Variants in MYO3B observed in about 807,000 individuals in gnomAD.
MYO3B encodes the protein myosin-IIIb.
A neutral mutation model predicts 174.6 loss-of-function variants in MYO3B; 156 were observed. The observed-to-expected ratio is 0.89, with a 90% confidence interval of 0.78 to 1.02. The LOEUF (loss-of-function observed/expected upper bound fraction) is 1.02. Ranked by LOEUF, MYO3B falls within the 50% of genes least tolerant of loss-of-function variation. The pLI, the probability that MYO3B is intolerant of heterozygous loss-of-function variation, is 0.00. For synonymous variants in MYO3B, 563 were observed against 569.1 expected (o/e 0.99, Z 0.15); for missense variants, 1,632 against 1,639.4 (o/e 1.00, Z 0.08).
At chr2:170,213,512 G>T (rs2092795117) in intron 3 of MYO3B, among the ~76,000 whole-genome samples, 1 of 152,144 alleles carries the variant, frequency 6.6e-6, no homozygotes, top group East Asian at 1.9e-4. Flanking sequence ...TAACTACCAG[G>T]CTTAGGTCAG....
chr2:170,364,397 T>A (rs934303607), intron 8 of MYO3B, among the ~76,000 whole-genome samples: 1 of 152,206 alleles, frequency 6.6e-6, no homozygotes, highest in African/African-American at 2.4e-5. Context: ...CTCTTTTGAC[T>A]AGGAAACTAG....
intron 7 of MYO3B, among the ~76,000 whole-genome samples, chr2:170,258,240 A>G (rs975417571): frequency 6.6e-6 from 1 of 151,988 alleles, no homozygotes; most frequent in Non-Finnish European, 1.5e-5. Context: ...CATCATTCTG[A>G]TACCAATGAG....
At chr2:170,341,625 A>G (rs1420951259) in intron 8 of MYO3B, among the ~76,000 whole-genome samples, 1 of 152,202 alleles carries the variant, frequency 6.6e-6, no homozygotes, top group East Asian at 1.9e-4. Flanking sequence ...ATAAAAACTC[A>G]TGGAGAAGCT....
intron 25 of MYO3B, among the ~76,000 whole-genome samples, chr2:170,474,324 G>C (rs1312740196): frequency 3.9e-5 from 6 of 152,064 alleles, no homozygotes; most frequent in Non-Finnish European, 4.4e-5. Flanking sequence ...GCCAATTACT[G>C]TGCCCAGGGG....
At chr2:170,639,629 A>G (rs950094421) in intron 32 of MYO3B, among the ~76,000 whole-genome samples, 1 of 152,224 alleles carries the variant, frequency 6.6e-6, no homozygotes, top group Non-Finnish European at 1.5e-5. Context: ...TGTATAATTG[A>G]TTCTAAACGT....
At chr2:170,263,744 A>G (rs7578090) in intron 7 of MYO3B, among the ~76,000 whole-genome samples, 151,772 of 151,978 alleles carry the variant, frequency 1, 75,783 homozygotes, top group Middle Eastern at 1. Context: ...ATTGCTCAGG[A>G]ACAAGTAGGA....
intron 8 of MYO3B, chr2:170,343,712 CT>C (rs1490585707): frequency 3.3e-5 from 5 of 152,222 alleles, no homozygotes; most frequent in African/African-American, 1.2e-4. Flanking sequence ...GGAAACAGGG[CT>C]TTTTGGAAAA....
chr2:170,246,574 C>T (rs2093192789), intron 7 of MYO3B, among the ~76,000 whole-genome samples: 1 of 146,018 alleles, frequency 6.8e-6, no homozygotes. Context: ...ACACGAACAT[C>T]ATATAAAGAC....
chr2:170,386,988 A>G (rs2094380640), intron 13 of MYO3B, 118 bp from the exon 14 acceptor site: 2 of 921,668 alleles, frequency 2.2e-6, no homozygotes, highest in Non-Finnish European at 3.3e-6. Flanking sequence ...AACGTCCCCC[A>G]AATGGGGCTC....
chr2:170,479,573 A>G (rs1165224708), intron 25 of MYO3B, among the ~76,000 whole-genome samples: 2 of 146,522 alleles, frequency 1.4e-5, no homozygotes, highest in African/African-American at 2.5e-5. Flanking sequence ...TGTTTTATAT[A>G]TACATACATC....
chr2:170,487,366 A>G (rs1377293805), intron 25 of MYO3B, among the ~76,000 whole-genome samples: 2 of 152,228 alleles, frequency 1.3e-5, no homozygotes, highest in Non-Finnish European at 2.9e-5. Context: ...CTACTAGAAT[A>G]TAAAGCTTCA....
At chr2:170,533,429 G>C (rs1466346923) in intron 30 of MYO3B, among the ~76,000 whole-genome samples, 7 of 150,192 alleles carry the variant, frequency 4.7e-5, no homozygotes, top group African/African-American at 7.3e-5. Context: ...TGGGGGTGGG[G>C]GGGGGGTGTG....
chr2:170,317,195 C>T (rs1056821021), intron 7 of MYO3B, among the ~76,000 whole-genome samples: 10 of 152,088 alleles, frequency 6.6e-5, no homozygotes, highest in Non-Finnish European at 1.0e-4. Flanking sequence ...TGGTTATTAC[C>T]GAGAAACCAA....
intron 25 of MYO3B, among the ~76,000 whole-genome samples, chr2:170,472,766 A>G (rs1028467292): frequency 5.3e-5 from 8 of 151,710 alleles, no homozygotes; most frequent in Non-Finnish European, 1.2e-4. Flanking sequence ...CAGTGGCACA[A>G]TGTTGGCTCA....
chr2:170,316,627 G>A (rs1397978274), intron 7 of MYO3B, among the ~76,000 whole-genome samples: 3 of 152,190 alleles, frequency 2.0e-5, no homozygotes, highest in African/African-American at 7.2e-5. Flanking sequence ...TGAACAAAAT[G>A]TCTTCTGCTG....
At chr2:170,496,971 AGAAAG>A (rs1686890050) in intron 25 of MYO3B, among the ~76,000 whole-genome samples, 1 of 152,148 alleles carries the variant, frequency 6.6e-6, no homozygotes, top group Admixed American at 6.6e-5. Flanking sequence ...ATAAAGGAGA[AGAAAG>A]GAAAGGGGAG....
rs953164770 is a variant in MYO3B, at chr2:170,292,574, A to G, written c.750-42811A>G. On this transcript the variant is annotated intron_variant, in intron 7 of 34. Transcript: ENST00000408978. ...TTTTTATTAGATATATTTGCTTAGT[A>G]TATCTTTATCACAAGGTTGCGGTTT... is the stretch of plus-strand genomic sequence containing the variant. Among the ~76,000 whole-genome samples, 6 of 151,824 alleles carry G rather than the reference A, an allele frequency of 4.0e-5. No homozygotes were observed. The East Asian group carries it at 1.2e-3, about 29-fold the overall frequency.
chr2:170,406,126 C>T (rs1172203102), intron 21 of MYO3B, among the ~76,000 whole-genome samples: 1 of 152,116 alleles, frequency 6.6e-6, no homozygotes, highest in Non-Finnish European at 1.5e-5. Context: ...GAAATGTCCA[C>T]TTTTCATACA....
At chr2:170,357,373 A>G (rs1004054122) in intron 8 of MYO3B, among the ~76,000 whole-genome samples, 16 of 138,402 alleles carry the variant, frequency 1.2e-4, no homozygotes, top group Non-Finnish European at 2.4e-4. Flanking sequence ...ATATATTTAT[A>G]TGTGTATTAT....
Sources: gnomAD v4.1 joint callset for allele counts (sites outside exome capture counted in the v4.1 genomes callset) on GRCh38, gnomAD v4.1.1 for gene constraint, MANE v1.5 for transcripts, NCBI Gene and HGNC (gene_info 2026-07-23, HGNC 2026-07-21) for gene names.